The following SHROOM3 variants were observed in gnomAD, a reference collection of about 807,000 sequenced individuals.
The protein encoded by SHROOM3 is protein Shroom3.
Under a neutral mutation model 138.6 loss-of-function variants are expected in SHROOM3, and 47 were observed. The ratio of observed to expected loss-of-function variants is 0.34; its 90% CI spans 0.27 to 0.43. SHROOM3 has a LOEUF of 0.43. Among genes scored for constraint, SHROOM3 ranks in the 20% least tolerant of loss-of-function variants. The probability of loss-of-function intolerance (pLI) is 1.00; values close to 1 mark genes in which losing one functional copy is unlikely to be tolerated. For synonymous variants in SHROOM3, 1,062 were observed against 1,063.3 expected, an observed-to-expected ratio of 1.00 and a Z score of 0.02; for missense variants, 2,491 against 2,596.5, an observed-to-expected ratio of 0.96 and a Z score of 0.88.
chr4:76,455,976 T>C (rs1731019488), intron 1 of SHROOM3, among the ~76,000 whole-genome samples: 1 of 152,170 alleles, frequency 6.6e-6, no homozygotes, highest in African/African-American at 2.4e-5. Flanking sequence ...TTGCATATAA[T>C]CTACACATAT....
intron 3 of SHROOM3, among the ~76,000 whole-genome samples, chr4:76,720,896 C>T (rs1720527302): frequency 6.6e-6 from 1 of 151,654 alleles, no homozygotes. Flanking sequence ...AGGCCTGAGT[C>T]ACCACGCCCG....
At chr4:76,612,322 A>G (rs1006688574) in intron 2 of SHROOM3, among the ~76,000 whole-genome samples, 1 of 152,188 alleles carries the variant, frequency 6.6e-6, no homozygotes, top group African/African-American at 2.4e-5. Context: ...TTTAGCCAAA[A>G]AAGATATAAG....
intron 2 of SHROOM3, among the ~76,000 whole-genome samples, chr4:76,692,893 A>T (rs987928567): frequency 6.6e-6 from 1 of 152,234 alleles, no homozygotes; most frequent in Non-Finnish European, 1.5e-5. Flanking sequence ...GAAATGTTTT[A>T]TGTTTTGTTT....
chr4:76,534,180 G>A (rs955649799), intron 1 of SHROOM3, among the ~76,000 whole-genome samples: 2 of 152,198 alleles, frequency 1.3e-5, no homozygotes, highest in South Asian at 2.1e-4. Context: ...TTTCAGGGCT[G>A]AGTGGAGCCT....
At position 76,527,428 on chromosome 4, in the gene SHROOM3, C is replaced by T. The variant is rs933994981; in HGVS notation, c.169-28181C>T. ...TGAAACCCCGTCTCTACTAAAAATA[C>T]AAAAATTAGTTTGGCATAGTGGCGC... On this transcript the variant is annotated intron_variant, in intron 1 of 10. Transcript: ENST00000296043. Among the ~76,000 whole-genome samples the T allele has an allele frequency of 9.2e-5, 14 of 152,036 alleles. No homozygotes were observed. In the East Asian group the frequency reaches 1.2e-3, roughly 13 times the overall value.
chr4:76,656,725 C>T lies in SHROOM3; in HGVS notation c.324-53431C>T, dbSNP rs565512928. On this transcript the variant is annotated intron_variant, in intron 2 of 10. Coordinates refer to ENST00000296043, the MANE Select transcript of SHROOM3 (RefSeq NM_020859.4). ...ACATCCTAACTTGCAGGCCAGTAGA[C>T]GTGGATCTGTACCAATGTCTGTCTC... Among the ~76,000 whole-genome samples, 3 of 152,308 alleles carry T rather than the reference C, an allele frequency of 2.0e-5. No homozygotes were observed. In the South Asian group the frequency reaches 6.2e-4, roughly 32 times the overall value.
At chr4:76,585,884 C>T (rs1734140910) in intron 2 of SHROOM3, among the ~76,000 whole-genome samples, 1 of 152,168 alleles carries the variant, frequency 6.6e-6, no homozygotes, top group Admixed American at 6.5e-5. Flanking sequence ...TACAAAGAAG[C>T]CCGACTCGCC....
intron 1 of SHROOM3, among the ~76,000 whole-genome samples, chr4:76,462,444 A>T (rs1226732063): frequency 6.6e-6 from 1 of 152,130 alleles, no homozygotes; most frequent in South Asian, 2.1e-4. Flanking sequence ...TATAGGGTAG[A>T]TCCTATAAGA....
At chr4:76,596,016 C>G (rs1160627384) in intron 2 of SHROOM3, among the ~76,000 whole-genome samples, 1 of 152,198 alleles carries the variant, frequency 6.6e-6, no homozygotes, top group African/African-American at 2.4e-5. Context: ...TGCACACACA[C>G]TGAATCCTAT....
intron 2 of SHROOM3, among the ~76,000 whole-genome samples, chr4:76,663,330 G>A (rs577995802): frequency 1.3e-5 from 2 of 151,988 alleles, no homozygotes; most frequent in Admixed American, 6.6e-5. Context: ...TCAACCCGGG[G>A]ACCCTGCATA....
rs547975182 is a variant in SHROOM3, at chr4:76,573,091, T to G, written c.323+17328T>G. Reference sequence around the variant, plus strand: ...GCTAGACACTGTCTCAAAAAAAAAATAAAAAAGAAAAAAGAAAGAAAGAAA... The same window carrying G: ...GCTAGACACTGTCTCAAAAAAAAAAGAAAAAAGAAAAAAGAAAGAAAGAAA... On this transcript the variant is annotated intron_variant, in intron 2 of 10. Coordinates refer to ENST00000296043, the MANE Select transcript of SHROOM3 (RefSeq NM_020859.4). Among the ~76,000 whole-genome samples, 24 of 148,640 alleles carry G rather than the reference T, an allele frequency of 1.6e-4. No individual in the cohort carries two copies. In the South Asian group the frequency reaches 1.9e-3, roughly 12 times the overall value.
chr4:76,761,326 A>G (rs1721982819), intron 9 of SHROOM3, among the ~76,000 whole-genome samples: 1 of 152,244 alleles, frequency 6.6e-6, no homozygotes, highest in African/African-American at 2.4e-5. Flanking sequence ...TTAGACTGAG[A>G]ATATGAAGAA....
intron 10 of SHROOM3, among the ~76,000 whole-genome samples, chr4:76,777,800 T>C (rs1333535349): frequency 6.6e-6 from 1 of 152,216 alleles, no homozygotes; most frequent in African/African-American, 2.4e-5. Context: ...TTAAAAATGA[T>C]CATGTTGGAG....
intron 1 of SHROOM3, among the ~76,000 whole-genome samples, chr4:76,462,240 T>C (rs1352322308): frequency 6.6e-6 from 1 of 151,848 alleles, no homozygotes; most frequent in East Asian, 1.9e-4. Context: ...CATACAAAAA[T>C]GCACACCTGT....
intron 1 of SHROOM3, among the ~76,000 whole-genome samples, chr4:76,460,140 A>G (rs1310355507): frequency 6.6e-6 from 1 of 152,174 alleles, no homozygotes; most frequent in Non-Finnish European, 1.5e-5. Flanking sequence ...CTTTTTTAAT[A>G]TTGTTTGCCC....
At chr4:76,658,588 G>A (rs1282561641) in intron 2 of SHROOM3, among the ~76,000 whole-genome samples, 1 of 152,100 alleles carries the variant, frequency 6.6e-6, no homozygotes, top group African/African-American at 2.4e-5. Flanking sequence ...CAGGAACAGT[G>A]AACTATATAT....
At chr4:76,551,777 A>G (rs1241665629) in intron 1 of SHROOM3, among the ~76,000 whole-genome samples, 1 of 152,186 alleles carries the variant, frequency 6.6e-6, no homozygotes, top group Non-Finnish European at 1.5e-5. Flanking sequence ...AAGCAGTATA[A>G]AAATAATAAA....
At chr4:76,563,455 G>A (rs753576524) in intron 2 of SHROOM3, among the ~76,000 whole-genome samples, 14 of 152,194 alleles carry the variant, frequency 9.2e-5, no homozygotes, top group Non-Finnish European at 2.1e-4. Context: ...CCATGTTGAA[G>A]CTCATTGGTG....
Position 76,741,520 on chromosome 4 carries a change from C to T in SHROOM3, c.3347C>T (p.Ala1116Val). 1 of 1,553,812 alleles carries T rather than the reference C, an allele frequency of 6.4e-7. No homozygotes were observed. Among genetic ancestry groups the T allele is most frequent in the East Asian group, 2.4e-5 (1 of 41,916 alleles). Residue 1116 changes from alanine to valine, a missense_variant, in exon 5 of 11, where the codon GCC (alanine) becomes GTC (valine). Physicochemically the swap from Ala to Val is moderately conservative, Grantham distance 64. Transcript: ENST00000296043. The surrounding 1 kb of genome is among the most constrained non-coding windows in gnomAD (Gnocchi z 6.2). ...LQEPGPLRERAQSAYLQPGPA... is the reference protein window; with the variant it reads ...LQEPGPLRERVQSAYLQPGPA... ...GAGCCCGGGCCACTGCGTGAGCGCG[C>T]CCAGAGTGCCTACCTCCAGCCCGGC...
Sources: gnomAD v4.1 joint callset for allele counts (sites outside exome capture counted in the v4.1 genomes callset) on GRCh38, gnomAD v4.1.1 for gene constraint, Gnocchi (gnomAD v3.1) non-coding constraint, MANE v1.5 for transcripts, NCBI Gene and HGNC (gene_info 2026-07-23, HGNC 2026-07-21) for gene names.